AK5: variants seen among roughly 807,000 people sequenced by gnomAD.
The protein encoded by AK5 is adenylate kinase 5, also known as adenylate kinase isoenzyme 5.
Under a neutral mutation model 69.5 loss-of-function variants are expected in AK5, and 27 were observed. That is an observed-to-expected ratio of 0.39 (90% CI 0.29 to 0.54). The LOEUF is 0.54. Among genes scored for constraint, AK5 ranks in the 20% least tolerant of loss-of-function variants. AK5 has a pLI of 0.71. For missense variants in AK5, 531 were observed against 700.4 expected (o/e 0.76, Z 2.73); for synonymous variants, 260 against 244.4 (o/e 1.06, Z -0.60).
chr1:77,460,450 T>C (rs998930093), intron 8 of AK5, among the ~76,000 whole-genome samples: 1 of 152,234 alleles, frequency 6.6e-6, no homozygotes, highest in Non-Finnish European at 1.5e-5. Flanking sequence ...TCATAGACTT[T>C]GGCTCCAGTA....
chr1:77,521,985 G>A (rs1371938489), intron 12 of AK5, 42 bp downstream of exon 12: 3 of 1,430,438 alleles, frequency 2.1e-6, no homozygotes, highest in Non-Finnish European at 2.9e-6. Flanking sequence ...GAAAAATAGG[G>A]GACATCCTTG....
Position 77,454,434 on chromosome 1 carries a change from G to A in AK5, c.1060-28883G>A, listed in dbSNP as rs144506692. On this transcript the variant is annotated intron_variant, in intron 8 of 13. Transcript: ENST00000354567. ...AACAGCAGGAAAAGAAAAAGATATGGTTACTTTCTCATCACATATCTAGCT... is the reference window on the plus strand; with the variant it reads ...AACAGCAGGAAAAGAAAAAGATATGATTACTTTCTCATCACATATCTAGCT... 4.1e-3 allele frequency among the ~76,000 whole-genome samples: 624 copies of A among 152,108 alleles called. 2 individuals are homozygous for A. Among genetic ancestry groups the A allele is most frequent in the African/African-American group, 0.015 (609 of 41,478 alleles).
At position 77,486,369 on chromosome 1, in the gene AK5, G is replaced by A. The variant is rs191121543; in HGVS notation, c.1147+17G>A. On this transcript the variant is annotated intron_variant, in intron 10 of 13. Transcript: ENST00000354567. ...TCATAATTGGTGAGTAACAGCCCTTGCATTTTCTAACAATACAATTGCTAA... is the reference window on the plus strand; with the variant it reads ...TCATAATTGGTGAGTAACAGCCCTTACATTTTCTAACAATACAATTGCTAA... The A allele has an allele frequency of 1.9e-6, 3 of 1,565,980 alleles. No homozygotes were observed. Among genetic ancestry groups the A allele is most frequent in the East Asian group, 2.3e-5 (1 of 44,294 alleles).
chr1:77,321,896 A>G (rs1217232007), intron 5 of AK5, among the ~76,000 whole-genome samples: 1 of 152,216 alleles, frequency 6.6e-6, no homozygotes, highest in African/African-American at 2.4e-5. Context: ...TAAGGAATCT[A>G]CAAAATGTGT....
At position 77,535,875 on chromosome 1, in the gene AK5, T is replaced by C; in HGVS notation, c.1457T>C (p.Met486Thr). ...RIGDPQLVIC[M>T]DCSADTMTNR... ...GGAGACCCACAGTTGGTGATCTGTA[T>C]GGACTGCTCGGCAGACACCATGACC... Residue 486 changes from methionine (M) to threonine (T), a missense_variant, in exon 13 of 14, where the codon ATG becomes ACG. Transcript: ENST00000354567. 6.2e-7 allele frequency: 1 copy of C among 1,613,818 alleles called. No individual in the cohort carries two copies. Among genetic ancestry groups the C allele is most frequent in the Non-Finnish European group, 8.5e-7 (1 of 1,179,916 alleles).
intron 8 of AK5, among the ~76,000 whole-genome samples, chr1:77,474,174 G>GA (rs1654687429): frequency 2.0e-5 from 3 of 152,156 alleles, no homozygotes; most frequent in African/African-American, 7.2e-5. Context: ...ATTGTCAATA[G>GA]TAGCTATAGA....
At chr1:77,394,710 T>C (rs1173471524) in intron 6 of AK5, among the ~76,000 whole-genome samples, 1 of 152,194 alleles carries the variant, frequency 6.6e-6, no homozygotes, top group Non-Finnish European at 1.5e-5. Context: ...CTAATGGAAG[T>C]TCCTACTTGG....
rs114523342 is a variant in AK5, at chr1:77,535,088, T to G, written c.1429-759T>G. Among the ~76,000 whole-genome samples the G allele has an allele frequency of 4.6e-3, 704 of 152,286 alleles. 9 individuals carry two copies. Among genetic ancestry groups the G allele is most frequent in the African/African-American group, 0.016 (678 of 41,558 alleles). The stretch of plus-strand genomic sequence containing the variant: ...CTTGGGCTTCCTCTCAGCCTGGCAG[T>G]CTCAGGATAGTTGGACATCTTAGAT... On this transcript the variant is annotated intron_variant, in intron 12 of 13. Coordinates refer to ENST00000354567, the MANE Select transcript of AK5 (RefSeq NM_174858.3).
chr1:77,531,989 T>TGGCCGG (rs1553161455), intron 12 of AK5: 10 of 148,532 alleles, frequency 6.7e-5, no homozygotes, highest in Non-Finnish European at 1.2e-4. Flanking sequence ...CCTGCGGCCA[T>TGGCCGG]CCGGCCGGCC....
intron 8 of AK5, among the ~76,000 whole-genome samples, chr1:77,458,876 C>T (rs1471003115): frequency 6.6e-6 from 1 of 152,146 alleles, no homozygotes; most frequent in Non-Finnish European, 1.5e-5. Context: ...CATTATTTAG[C>T]TTACCACAGG....
At chr1:77,440,891 A>AC (rs1418061862) in intron 8 of AK5, among the ~76,000 whole-genome samples, 1 of 152,142 alleles carries the variant, frequency 6.6e-6, no homozygotes, top group Non-Finnish European at 1.5e-5. Flanking sequence ...AGCTGGGATT[A>AC]CAGGAGCCCA....
chr1:77,539,782 C>G (rs1659172528), intron 13 of AK5, among the ~76,000 whole-genome samples: 1 of 152,152 alleles, frequency 6.6e-6, no homozygotes, highest in African/African-American at 2.4e-5. Context: ...TTGTGGCCTG[C>G]TCCTGTGATG....
intron 8 of AK5, among the ~76,000 whole-genome samples, chr1:77,421,727 T>C (rs1010108097): frequency 8.5e-5 from 13 of 152,184 alleles, no homozygotes; most frequent in Non-Finnish European, 1.0e-4. Context: ...CTGCAGCACC[T>C]GCCTCCATGT....
intron 1 of AK5, among the ~76,000 whole-genome samples, chr1:77,283,977 T>G (rs1347644584): frequency 6.6e-6 from 1 of 152,156 alleles, no homozygotes; most frequent in African/African-American, 2.4e-5. Context: ...ACAGAGAAGT[T>G]TGATAGTTTA....
chr1:77,423,146 G>A (rs1008491478), intron 8 of AK5, among the ~76,000 whole-genome samples: 3 of 150,504 alleles, frequency 2.0e-5, no homozygotes, highest in Non-Finnish European at 4.4e-5. Flanking sequence ...GCGTGAACCC[G>A]GGAGGTGGAG....
intron 12 of AK5, among the ~76,000 whole-genome samples, 190 bp from the exon 13 acceptor site, chr1:77,535,657 C>T (rs1363413557): frequency 6.6e-6 from 1 of 152,116 alleles, no homozygotes; most frequent in Non-Finnish European, 1.5e-5. Flanking sequence ...AGCTCTGAGG[C>T]AGTGTGTAGA....
intron 8 of AK5, among the ~76,000 whole-genome samples, chr1:77,422,902 T>A (rs1407305301): frequency 6.6e-6 from 1 of 152,122 alleles, no homozygotes; most frequent in African/African-American, 2.4e-5. Context: ...TTCGAGAAAA[T>A]GGTGGTGACA....
intron 10 of AK5, among the ~76,000 whole-genome samples, chr1:77,498,205 G>A (rs1656471974): frequency 6.6e-6 from 1 of 152,180 alleles, no homozygotes; most frequent in South Asian, 2.1e-4. Context: ...AAAGTATAAT[G>A]AAAATTGTCT....
At chr1:77,283,308 A>G in intron 1 of AK5, 1 of 985,392 alleles carries the variant, frequency 1.0e-6, no homozygotes, top group Non-Finnish European at 1.2e-6. Context: ...AGGAGGAGAA[A>G]AGAATAGAAG....
Sources: allele counts gnomAD v4.1 joint callset (sites outside exome capture counted in the v4.1 genomes callset), GRCh38; gene constraint gnomAD v4.1.1; transcripts MANE v1.5; gene names NCBI Gene and HGNC (gene_info 2026-07-23, HGNC 2026-07-21).